ZNF445: variants seen among roughly 807,000 people sequenced by gnomAD.
ZNF445 encodes the protein zinc finger protein 168.
A neutral mutation model predicts 93.9 loss-of-function variants in ZNF445; 19 were observed. That is an observed-to-expected ratio of 0.20 (90% CI 0.14 to 0.30). The LOEUF (loss-of-function observed/expected upper bound fraction) is 0.30. Among genes scored for constraint, ZNF445 ranks in the 10% least tolerant of loss-of-function variants. The pLI, the probability that ZNF445 is intolerant of heterozygous loss-of-function variation, is 1.00. For synonymous variants in ZNF445, 449 were observed against 446.3 expected (o/e 1.01, Z -0.08); for missense variants, 1,058 against 1,259.4 (o/e 0.84, Z 2.42).
chr3:44,436,833 T>C lies in ZNF445; in HGVS notation c.*9742A>G, dbSNP rs1697690669. On this transcript the variant is annotated 3_prime_UTR_variant, in exon 8 of 8. Coordinates refer to ENST00000396077, the MANE Select transcript of ZNF445 (RefSeq NM_181489.6). ...AAGTTAAAACAATGAACCACAAATC[T>C]CTGCTTAATTATCCCATATCGAATA... 6.6e-6 allele frequency: 1 copy of C among 152,212 alleles called. No homozygotes were observed. Among genetic ancestry groups the C allele is most frequent in the Admixed American group, 6.5e-5 (1 of 15,288 alleles). 9.4% of individuals were successfully genotyped at this position (152,212 alleles called of 1,614,324 possible).
intron 1 of ZNF445, among the ~76,000 whole-genome samples, chr3:44,471,646 G>A (rs1437136321): frequency 6.6e-6 from 1 of 152,152 alleles, no homozygotes; most frequent in Non-Finnish European, 1.5e-5. Context: ...CAAAAGAAAT[G>A]ACAGTAAACT....
chr3:44,476,386 C>A lies in ZNF445; in HGVS notation c.-269+1205G>T, dbSNP rs376488110. Among the ~76,000 whole-genome samples, 5 of 151,258 alleles carry A rather than the reference C, an allele frequency of 3.3e-5. No individual in the cohort carries two copies. The East Asian group carries it at 7.8e-4, about 24-fold the overall frequency. ...CAGTAAGACTTTTTTTTTTTTCTAA[C>A]CAAAATGTGTCTGCCTTTCATTAAG... On this transcript the variant is annotated intron_variant, in intron 1 of 7. Transcript: ENST00000396077.
intron 1 of ZNF445, among the ~76,000 whole-genome samples, chr3:44,464,922 C>T (rs1698169820): frequency 1.3e-5 from 2 of 151,994 alleles, no homozygotes; most frequent in Non-Finnish European, 2.9e-5. Context: ...TAAAAATTAG[C>T]TGAGCATGGT....
chr3:44,446,520 G>T lies in ZNF445; in HGVS notation c.*55C>A, dbSNP rs1359772145. ...TTACTCCACAATGCCTATAATTAAG[G>T]GTTCTCTAGCAGGGGACTGAGAACC... On this transcript the variant is annotated 3_prime_UTR_variant, in exon 8 of 8. Transcript: ENST00000396077. This position sits in a 1 kb window ranked among gnomAD's most constrained non-coding sequence, Gnocchi z 4.2. 1.2e-6 allele frequency: 2 copies of T among 1,603,288 alleles called. No homozygotes were observed. The highest frequency in any genetic ancestry group is 2.7e-5 in the African/African-American group (2 of 73,906).
At position 44,446,305 on chromosome 3, in the gene ZNF445, G is replaced by C. The variant is rs1559389863; in HGVS notation, c.*270C>G. ...GAGTTGTGGAAGGAGACCTGAATAG[G>C]GGAGCCGCAGGCTATGGTGCAGAGG... On this transcript the variant is annotated 3_prime_UTR_variant, in exon 8 of 8. Coordinates refer to ENST00000396077, the MANE Select transcript of ZNF445 (RefSeq NM_181489.6). The surrounding 1 kb of genome is among the most constrained non-coding windows in gnomAD (Gnocchi z 4.2). 2.2e-6 allele frequency: 1 copy of C among 459,818 alleles called. No homozygotes were observed. Among genetic ancestry groups the C allele is most frequent in the Non-Finnish European group, 3.9e-6 (1 of 256,884 alleles). The allele number at this position is 459,818 out of a possible 1,614,324, so 28.5% of individuals were successfully genotyped here.
rs1268093239 is a variant in ZNF445 at position 44,442,572 on chromosome 3, C to A, written c.*4003G>T. ...TCTTGGTCAGCAGGGGTGGGGCAGA[C>A]CACACTGAACAGGTGACAGAAAGAC... On this transcript the variant is annotated 3_prime_UTR_variant, in exon 8 of 8. Coordinates refer to ENST00000396077, the MANE Select transcript of ZNF445 (RefSeq NM_181489.6). The A allele has an allele frequency of 6.6e-6, 1 of 152,178 alleles. No homozygotes were observed. The highest frequency in any genetic ancestry group is 1.5e-5 in the Non-Finnish European group (1 of 68,062). The allele number at this position is 152,178 out of a possible 1,614,324, so 9.4% of individuals were successfully genotyped here. A position where few individuals can be genotyped will look rare whatever the true frequency, so the allele number is the denominator to read the frequency against.
At position 44,432,259 on chromosome 3, in the gene ZNF445, T is replaced by TTGTGTGTG. The variant is rs72226534; in HGVS notation, c.*14308_*14315dup. 1.3e-4 allele frequency: 16 copies of TTGTGTGTG among 124,686 alleles called. No individual in the cohort carries two copies. The highest frequency in any genetic ancestry group is 4.1e-4 in the African/African-American group (12 of 29,408). 7.7% of individuals were successfully genotyped at this position (124,686 alleles called of 1,614,324 possible). ...TTTATTGGAACACATCTACACTCATTTGTGTGTGTGTGTCTGTGTGTGTGT... is the reference window on the plus strand; with the variant it reads ...TTTATTGGAACACATCTACACTCATTTGTGTGTGTGTGTGTGTGTGTCTGTGTGTGTGT... On this transcript the variant is annotated 3_prime_UTR_variant, in exon 8 of 8. Coordinates refer to ENST00000396077, the MANE Select transcript of ZNF445 (RefSeq NM_181489.6).
rs57332704 is a variant in ZNF445 at position 44,434,275 on chromosome 3, C to A, written c.*12300G>T. On this transcript the variant is annotated 3_prime_UTR_variant, in exon 8 of 8. Coordinates refer to ENST00000396077, the MANE Select transcript of ZNF445 (RefSeq NM_181489.6). ...CAAAAAAAAAAAAAAAAAAATTAGCCGGGCGTGGTGGCGCACACCTGTAGT... is the reference window on the plus strand; with the variant it reads ...CAAAAAAAAAAAAAAAAAAATTAGCAGGGCGTGGTGGCGCACACCTGTAGT... 1.2e-3 allele frequency: 177 copies of A among 149,448 alleles called. No individual in the cohort carries two copies. The highest frequency in any genetic ancestry group is 4.1e-3 in the African/African-American group (165 of 40,710). 9.3% of individuals were successfully genotyped at this position (149,448 alleles called of 1,614,324 possible). A position where few individuals can be genotyped will look rare whatever the true frequency, so the allele number is the denominator to read the frequency against.
chr3:44,451,164 T>C, intron 4 of ZNF445, 150 bp downstream of exon 4: 3 of 1,129,152 alleles, frequency 2.7e-6, no homozygotes, highest in Non-Finnish European at 3.9e-6. Context: ...GCAAGCCACA[T>C]ATAGGTTATA....
rs754890118 is a variant in ZNF445, at chr3:44,455,256, C to T, written c.294G>A (p.Leu98=). ...VLSKAQILEL[L]VLEQFLSILP... ...GGATGCTCAGGAACTGTTCCAGCAC[C>T]AGCAGCTCTAGGATCTGTGCCTTGG... The change falls in exon 3 of 8, where the codon CTG becomes CTA. Residue 98 remains leucine, a synonymous_variant. Transcript: ENST00000396077. 2 of 1,614,246 alleles carry T rather than the reference C, an allele frequency of 1.2e-6. No individual in the cohort carries two copies. The highest frequency in any genetic ancestry group is 1.1e-5 in the South Asian group (1 of 91,084).
chr3:44,465,487 C>T (rs566724792), intron 1 of ZNF445, among the ~76,000 whole-genome samples: 2 of 152,120 alleles, frequency 1.3e-5, no homozygotes, highest in African/African-American at 4.8e-5. Flanking sequence ...CCCAAGTGTC[C>T]GAATAACAGG....
At chr3:44,448,784 T>G in intron 7 of ZNF445, 45 bp from the exon 8 acceptor site, 3 of 1,561,502 alleles carry the variant, frequency 1.9e-6, no homozygotes, top group Non-Finnish European at 2.6e-6. Flanking sequence ...TTTCCCATAC[T>G]TGGAACTGCA....
intron 2 of ZNF445, among the ~76,000 whole-genome samples, chr3:44,456,750 G>C (rs537004925): frequency 2.0e-5 from 3 of 152,124 alleles, no homozygotes; most frequent in Non-Finnish European, 4.4e-5. Context: ...TTGATTTTAC[G>C]ACCCAACAAT....
Position 44,450,872 on chromosome 3 carries a change from A to T in ZNF445, c.689T>A (p.Leu230His). The T allele has an allele frequency of 6.4e-7, 1 of 1,573,982 alleles. No individual in the cohort carries two copies. Among genetic ancestry groups the T allele is most frequent in the Non-Finnish European group, 8.6e-7 (1 of 1,161,564 alleles). Reference protein sequence around the residue: ...VTPTRSLTAQLQETMTFKDVE... With the variant: ...VTPTRSLTAQHQETMTFKDVE... ...ACCAAATGTTCTGTGGCTCACCTGG[A>T]GCTGGGCTGTCAGGGACCTGGTTGG... The change falls in exon 5 of 8, where the codon CTC becomes CAC. Residue 230 changes from leucine to histidine, a missense_variant. Leu to His is a moderately conservative substitution (Grantham distance 99). Around this residue, in one of 3 missense-constraint regions of ZNF445, gnomAD observed 657 missense variants for 746.4 expected, o/e 0.88. Transcript: ENST00000396077.
At position 44,447,015 on chromosome 3, in the gene ZNF445, G is replaced by T; in HGVS notation, c.2656C>A (p.His886Asn). The T allele has an allele frequency of 6.2e-7, 1 of 1,614,178 alleles. No individual in the cohort carries two copies. Among genetic ancestry groups the T allele is most frequent in the East Asian group, 2.2e-5 (1 of 44,886 alleles). The part of the protein sequence containing the change: ...SYDRNYRLVN[H>N]QRIHSTERPF... ...CTCTCTGTAGAGTGGATCCTCTGAT[G>T]GTTAACAAGGCGATAGTTTCTATCA... is the stretch of plus-strand genomic sequence containing the variant. The change falls in exon 8 of 8, where the codon CAT becomes AAT. Residue 886 changes from histidine to asparagine, a missense_variant. Coordinates refer to ENST00000396077, the MANE Select transcript of ZNF445 (RefSeq NM_181489.6). This position sits in a 1 kb window ranked among gnomAD's most constrained non-coding sequence, Gnocchi z 4.7.
rs1698019085 is a variant in ZNF445 at position 44,455,661 on chromosome 3, G to C, written c.-112C>G. The C allele has an allele frequency of 2.0e-6, 2 of 994,588 alleles. No individual in the cohort carries two copies. The highest frequency in any genetic ancestry group is 3.5e-5 in the South Asian group (2 of 57,900). 61.6% of individuals were successfully genotyped at this position (994,588 alleles called of 1,614,324 possible). A position where few individuals can be genotyped will look rare whatever the true frequency, so the allele number is the denominator to read the frequency against. The stretch of plus-strand genomic sequence containing the variant: ...AATGCCAACATTTGCTGGGACATCA[G>C]AAGTCATCAGCAAGTGACTGAAATT... On this transcript the variant is annotated 5_prime_UTR_variant, in exon 3 of 8. Coordinates refer to ENST00000396077, the MANE Select transcript of ZNF445 (RefSeq NM_181489.6).
rs1238549844 is a variant in ZNF445, at chr3:44,440,225, T to C, written c.*6350A>G. ...TTTCTGGCAACTAAAACCTGGCTGATATAAAATCTCCTTGCTGTTCTTAGC... is the reference window on the plus strand; with the variant it reads ...TTTCTGGCAACTAAAACCTGGCTGACATAAAATCTCCTTGCTGTTCTTAGC... On this transcript the variant is annotated 3_prime_UTR_variant, in exon 8 of 8. Transcript: ENST00000396077. 2.0e-5 allele frequency: 3 copies of C among 152,260 alleles called. No homozygotes were observed. The highest frequency in any genetic ancestry group is 7.2e-5 in the African/African-American group (3 of 41,472). 9.4% of individuals were successfully genotyped at this position (152,260 alleles called of 1,614,324 possible).
In ZNF445 at chr3:44,440,726, G is replaced by C. The variant is rs1007169055; in HGVS notation, c.*5849C>G. ...TAAGAAAGTAAAGAAATACAGAATG[G>C]CTACTCCATAGGAAGAGTAGCCCCA... On this transcript the variant is annotated 3_prime_UTR_variant, in exon 8 of 8. Transcript: ENST00000396077. The C allele has an allele frequency of 6.6e-6, 1 of 152,126 alleles. No homozygotes were observed. Among genetic ancestry groups the C allele is most frequent in the African/African-American group, 2.4e-5 (1 of 41,406 alleles). 9.4% of individuals were successfully genotyped at this position (152,126 alleles called of 1,614,324 possible). A position where few individuals can be genotyped will look rare whatever the true frequency, so the allele number is the denominator to read the frequency against.
At position 44,432,520 on chromosome 3, in the gene ZNF445, T is replaced by A. The variant is rs981335938; in HGVS notation, c.*14055A>T. 4.9e-5 allele frequency: 7 copies of A among 141,870 alleles called. No homozygotes were observed. The highest frequency in any genetic ancestry group is 2.2e-4 in the South Asian group (1 of 4,510). 8.8% of individuals were successfully genotyped at this position (141,870 alleles called of 1,614,324 possible). On this transcript the variant is annotated 3_prime_UTR_variant, in exon 8 of 8. Transcript: ENST00000396077. ...CTCTGAAGGCAGTCTGCGGAAGAAT[T>A]CTCTCTTGCCTGAGAGAGAGTCTGG...
Sources: allele counts gnomAD v4.1 joint callset (sites outside exome capture counted in the v4.1 genomes callset), GRCh38; gene constraint gnomAD v4.1.1; regional missense constraint gnomAD v4.1.1; non-coding constraint Gnocchi (gnomAD v3.1); transcripts MANE v1.5; gene names NCBI Gene and HGNC (gene_info 2026-07-23, HGNC 2026-07-21).